SLFN5: variants seen among roughly 807,000 people sequenced by gnomAD.
The protein encoded by SLFN5 is schlafen family member 5.
In SLFN5, 34 loss-of-function variants were observed where a neutral mutation model predicts 48.5. That is an observed-to-expected ratio of 0.70 (90% CI 0.53 to 0.93). SLFN5 has a LOEUF of 0.93. Ranked by LOEUF, SLFN5 falls within the 40% of genes least tolerant of loss-of-function variation. SLFN5 has a pLI of 0.00. For missense variants in SLFN5, 1,006 were observed against 1,071.3 expected, an observed-to-expected ratio of 0.94 and a Z score of 0.85; for synonymous variants, 387 against 396.2, an observed-to-expected ratio of 0.98 and a Z score of 0.28.
chr17:35,264,756 C>T lies in SLFN5; in HGVS notation c.1712C>T (p.Thr571Ile). 1 of 1,599,070 alleles carries T rather than the reference C, an allele frequency of 6.3e-7. No individual in the cohort carries two copies. The highest frequency in any genetic ancestry group is 8.5e-7 in the Non-Finnish European group (1 of 1,174,342). ...YELLSKNLRK[T>I]RELFVHGLPG... is the part of the protein sequence containing the mutation. Reference sequence around the variant, plus strand: ...TTGCTTTCAAAGAACCTTCGCAAGACCAGAGAGTTGTTTGTTCATGGCTTA... The same window carrying T: ...TTGCTTTCAAAGAACCTTCGCAAGATCAGAGAGTTGTTTGTTCATGGCTTA... The change falls in exon 4 of 5, where the codon ACC becomes ATC. Residue 571 changes from threonine (T) to isoleucine (I), a missense_variant. Coordinates refer to ENST00000299977, the MANE Select transcript of SLFN5 (RefSeq NM_144975.4).
rs768015031 is a variant in SLFN5, at chr17:35,259,262, A to G, written c.572A>G (p.Glu191Gly). Residue 191 changes from glutamate (E) to glycine (G), a missense_variant, in exon 2 of 5, where the codon GAG becomes GGG. By Grantham distance (98) the Glu-to-Gly change is moderately conservative. Coordinates refer to ENST00000299977, the MANE Select transcript of SLFN5 (RefSeq NM_144975.4). Reference sequence around the variant, plus strand: ...TATCTGGAAAAACTCAACCTTCCTGAGTCCACACATGTTGAATTTGTAATG... The same window carrying G: ...TATCTGGAAAAACTCAACCTTCCTGGGTCCACACATGTTGAATTTGTAATG... Reference protein sequence around the residue: ...LQYLEKLNLPESTHVEFVMFS... With the variant: ...LQYLEKLNLPGSTHVEFVMFS... 6.2e-7 allele frequency: 1 copy of G among 1,614,170 alleles called. No individual in the cohort carries two copies. The highest frequency in any genetic ancestry group is 8.5e-7 in the Non-Finnish European group (1 of 1,180,036).
At chr17:35,257,398 A>G (rs1904376455) in intron 1 of SLFN5, among the ~76,000 whole-genome samples, 1 of 152,218 alleles carries the variant, frequency 6.6e-6, no homozygotes, top group African/African-American at 2.4e-5. Flanking sequence ...AGGACCTGCC[A>G]TTCCAGTGGC....
chr17:35,245,619 C>T (rs1489211655), intron 1 of SLFN5, among the ~76,000 whole-genome samples: 4 of 152,120 alleles, frequency 2.6e-5, no homozygotes, highest in African/African-American at 9.7e-5. Flanking sequence ...TGTCACTCAG[C>T]ATCATTGTTT....
chr17:35,269,227 T>C lies in SLFN5; in HGVS notation c.*3339T>C, dbSNP rs1904775125. 1 of 152,152 alleles carries C rather than the reference T, an allele frequency of 6.6e-6. No individual in the cohort carries two copies. Among genetic ancestry groups the C allele is most frequent in the African/African-American group, 2.4e-5 (1 of 41,430 alleles). 9.4% of individuals were successfully genotyped at this position (152,152 alleles called of 1,614,324 possible). A position where few individuals can be genotyped will look rare whatever the true frequency, so the allele number is the denominator to read the frequency against. On this transcript the variant is annotated 3_prime_UTR_variant, in exon 5 of 5. Coordinates refer to ENST00000299977, the MANE Select transcript of SLFN5 (RefSeq NM_144975.4). The stretch of plus-strand genomic sequence containing the variant: ...GGTATTTTTGAACATAAAAGAGTTC[T>C]AGAAATACAGGACCCATGAATCATT...
chr17:35,255,040 A>C (rs116216753), intron 1 of SLFN5, among the ~76,000 whole-genome samples: 1,748 of 152,188 alleles, frequency 0.011, 34 homozygotes, highest in African/African-American at 0.039. Context: ...TAAATAAATA[A>C]ATAAATTTCT....
chr17:35,247,790 G>T (rs1348404977), intron 1 of SLFN5, among the ~76,000 whole-genome samples: 1 of 152,238 alleles, frequency 6.6e-6, no homozygotes, highest in East Asian at 1.9e-4. Flanking sequence ...GCCTGTTCAA[G>T]CTTGCTTCAC....
At chr17:35,252,146 G>T (rs894877355) in intron 1 of SLFN5, among the ~76,000 whole-genome samples, 1 of 152,150 alleles carries the variant, frequency 6.6e-6, no homozygotes, top group African/African-American at 2.4e-5. Context: ...AGACAGCTGA[G>T]CGGTGGGGCA....
At position 35,264,279 on chromosome 17, in the gene SLFN5, G is replaced by T. The variant is rs568188480; in HGVS notation, c.1235G>T (p.Arg412Leu). The T allele has an allele frequency of 2.5e-6, 4 of 1,614,036 alleles. No individual in the cohort carries two copies. Residue 412 changes from arginine (R) to leucine (L), a missense_variant, in exon 4 of 5, where the codon CGC becomes CTC. Physicochemically the swap from Arg to Leu is moderately radical, Grantham distance 102 (BLOSUM62 -2). Coordinates refer to ENST00000299977, the MANE Select transcript of SLFN5 (RefSeq NM_144975.4). ...GLRDLINTEMRPFSQGILIFS... is the reference protein window; with the variant it reads ...GLRDLINTEMLPFSQGILIFS... Reference sequence around the variant, plus strand: ...AGAGACTTAATAAATACAGAAATGCGCCCTTTCTCTCAAGGAATATTGATT... The same window carrying T: ...AGAGACTTAATAAATACAGAAATGCTCCCTTTCTCTCAAGGAATATTGATT...
chr17:35,250,740 T>A (rs1240682377), intron 1 of SLFN5, among the ~76,000 whole-genome samples: 2 of 152,002 alleles, frequency 1.3e-5, no homozygotes, highest in Non-Finnish European at 2.9e-5. Flanking sequence ...AAAAATGATC[T>A]CCTACTTTGT....
Position 35,264,554 on chromosome 17 carries a change from CA to C in SLFN5, c.1511del (p.Gln504ArgfsTer18), listed in dbSNP as rs1164769913. The C allele has an allele frequency of 3.1e-6, 5 of 1,614,054 alleles. No homozygotes were observed. The East Asian group carries it at 8.9e-5, about 29-fold the overall frequency. On this transcript the variant is annotated frameshift_variant, in exon 4 of 5. Coordinates refer to ENST00000299977, the MANE Select transcript of SLFN5 (RefSeq NM_144975.4). LOFTEE classifies it high-confidence loss of function. Reference protein sequence around the residue: ...VCVLNSDRKAQSVYSSYLQIY... With the variant: ...VCVLNSDRKAXSVYSSYLQIY... ...TGTGCTGAATTCTGATAGAAAAGCA[CA>C]GAGCGTTTACAGTTCGTATTTACAA... is the stretch of plus-strand genomic sequence containing the variant.
In SLFN5 at chr17:35,259,199, T is replaced by A; in HGVS notation, c.509T>A (p.Val170Glu). ...GTACAATATGAAGGTAACATAAATG[T>A]GTCAGCTGCTGCTTTATTTGATAGA... ...GSVQYEGNIN[V>E]SAAALFDRKR... Residue 170 changes from valine (V) to glutamate (E), a missense_variant, in exon 2 of 5, where the codon GTG (valine) becomes GAG (glutamate). By Grantham distance (121) the Val-to-Glu change is moderately radical (BLOSUM62 -2). Coordinates refer to ENST00000299977, the MANE Select transcript of SLFN5 (RefSeq NM_144975.4). 1 of 1,614,120 alleles carries A rather than the reference T, an allele frequency of 6.2e-7. No individual in the cohort carries two copies. The highest frequency in any genetic ancestry group is 8.5e-7 in the Non-Finnish European group (1 of 1,180,048).
chr17:35,271,549 CAAT>C lies in SLFN5; in HGVS notation c.*5664_*5666del, dbSNP rs1488634924. 1 of 151,890 alleles carries C rather than the reference CAAT, an allele frequency of 6.6e-6. No individual in the cohort carries two copies. The highest frequency in any genetic ancestry group is 1.5e-5 in the Non-Finnish European group (1 of 67,954). The allele number at this position is 151,890 out of a possible 1,614,324, so 9.4% of individuals were successfully genotyped here. A position where few individuals can be genotyped will look rare whatever the true frequency, so the allele number is the denominator to read the frequency against. ...CAACAAGAAAATATAAGTTCTGCAA[CAAT>C]AAAACTATACAATGAAACTAAAGAG... is the stretch of plus-strand genomic sequence containing the variant. On this transcript the variant is annotated 3_prime_UTR_variant, in exon 5 of 5. Transcript: ENST00000299977.
chr17:35,254,196 A>T (rs1351652901), intron 1 of SLFN5, among the ~76,000 whole-genome samples: 1 of 152,084 alleles, frequency 6.6e-6, no homozygotes, highest in Non-Finnish European at 1.5e-5. Flanking sequence ...TTATTGTCTT[A>T]TATTTGTATT....
At chr17:35,254,278 G>C (rs1191086781) in intron 1 of SLFN5, among the ~76,000 whole-genome samples, 44 of 152,296 alleles carry the variant, frequency 2.9e-4, no homozygotes, top group African/African-American at 1.0e-3. Context: ...TAAGTGATCT[G>C]TCAATTGCAT....
Position 35,264,888 on chromosome 17 carries a change from T to G in SLFN5, c.1844T>G (p.Leu615Arg), listed in dbSNP as rs1266148494. Reference protein sequence around the residue: ...NILYICENQPLKKLVSFSKKN... With the variant: ...NILYICENQPRKKLVSFSKKN... ...CTCTACATCTGTGAAAACCAGCCCC[T>G]GAAGAAGTTGGTGAGGTATGCTGCT... The change falls in exon 4 of 5, where the codon CTG (leucine) becomes CGG (arginine). Residue 615 changes from leucine (L) to arginine (R), a missense_variant. Transcript: ENST00000299977. 1 of 1,560,834 alleles carries G rather than the reference T, an allele frequency of 6.4e-7. No homozygotes were observed. Among genetic ancestry groups the G allele is most frequent in the Non-Finnish European group, 8.6e-7 (1 of 1,160,492 alleles).
chr17:35,264,941 T>G (rs1176706266), intron 4 of SLFN5, 38 bp downstream of exon 4: 3 of 1,537,162 alleles, frequency 2.0e-6, no homozygotes, highest in African/African-American at 2.8e-5. Flanking sequence ...TTTTCTTGAG[T>G]GACTGTGGCT....
Position 35,264,805 on chromosome 17 carries a change from G to T in SLFN5, c.1761G>T (p.Leu587Phe). 6.3e-7 allele frequency: 1 copy of T among 1,597,248 alleles called. No individual in the cohort carries two copies. The highest frequency in any genetic ancestry group is 8.5e-7 in the Non-Finnish European group (1 of 1,173,984). Reference protein sequence around the residue: ...HGLPGSGKTILALRIMEKIRN... With the variant: ...HGLPGSGKTIFALRIMEKIRN... The stretch of plus-strand genomic sequence containing the variant: ...TACCTGGATCAGGGAAGACTATCTT[G>T]GCTCTTAGGATCATGGAGAAGATCA... The change falls in exon 4 of 5, where the codon TTG (leucine) becomes TTT (phenylalanine). Residue 587 changes from leucine (L) to phenylalanine (F), a missense_variant. Transcript: ENST00000299977.
rs1165098303 is a variant in SLFN5, at chr17:35,272,746, A to G, written c.*6858A>G. 2 of 152,238 alleles carry G rather than the reference A, an allele frequency of 1.3e-5. No individual in the cohort carries two copies. The highest frequency in any genetic ancestry group is 2.9e-5 in the Non-Finnish European group (2 of 68,028). The allele number at this position is 152,238 out of a possible 1,614,324, so 9.4% of individuals were successfully genotyped here. A position where few individuals can be genotyped will look rare whatever the true frequency, so the allele number is the denominator to read the frequency against. On this transcript the variant is annotated 3_prime_UTR_variant, in exon 5 of 5. Coordinates refer to ENST00000299977, the MANE Select transcript of SLFN5 (RefSeq NM_144975.4). ...TTGACAGGTGGTAGAATACAGAAAA[A>G]GAATTTAAAATAGCTCCTAAAGATA...
intron 1 of SLFN5, among the ~76,000 whole-genome samples, chr17:35,254,743 G>A (rs182886626): frequency 2.0e-5 from 3 of 152,156 alleles, no homozygotes; most frequent in Non-Finnish European, 2.9e-5. Flanking sequence ...TCGGCCGGGC[G>A]TGGTGGCTCA....
Sources: allele counts gnomAD v4.1 joint callset (sites outside exome capture counted in the v4.1 genomes callset), GRCh38; gene constraint gnomAD v4.1.1; transcripts MANE v1.5; gene names NCBI Gene and HGNC (gene_info 2026-07-23, HGNC 2026-07-21).